Variants in CD7 observed in about 807,000 individuals in gnomAD.
CD7 encodes T-cell antigen CD7.
Under a neutral mutation model 17.6 loss-of-function variants are expected in CD7, and 19 were observed. The ratio of observed to expected loss-of-function variants is 1.08; its 90% confidence interval spans 0.75 to 1.58. The LOEUF (loss-of-function observed/expected upper bound fraction) is 1.58, where lower values mean the gene tolerates loss of function less well. CD7 is among the 40% of genes most tolerant of loss of function. The probability of loss-of-function intolerance (pLI) is 0.00; values close to 1 mark genes in which losing one functional copy is unlikely to be tolerated. For synonymous variants in CD7, 160 were observed against 159.8 expected (o/e 1.00, Z -0.01); for missense variants, 291 against 327.1 (o/e 0.89, Z 0.85).
rs781041449 is a variant in CD7 at position 82,315,403 on chromosome 17, T to C, written c.641A>G (p.Lys214Arg). 6.2e-7 allele frequency: 1 copy of C among 1,613,360 alleles called. No homozygotes were observed. The highest frequency in any genetic ancestry group is 8.5e-7 in the Non-Finnish European group (1 of 1,179,740). Residue 214 changes from lysine to arginine, a missense_variant, in exon 4 of 4, where the codon AAG becomes AGG. Lys to Arg is a conservative substitution (Grantham distance 26). Transcript: ENST00000312648. Reference protein sequence around the residue: ...QIKKLCSWRDKNSAACVVYED... With the variant: ...QIKKLCSWRDRNSAACVVYED... ...GTACACCACACATGCCGCCGAATTC[T>C]TATCCCGCCACGAGCACAGTTTCTT...
At chr17:82,316,491 A>G in intron 2 of CD7, 82 bp from the exon 3 acceptor site, 1 of 1,358,254 alleles carries the variant, frequency 7.4e-7, no homozygotes, top group African/African-American at 1.5e-5. Flanking sequence ...GGGGCAGGGA[A>G]AGGCTGTGGA....
At chr17:82,316,554 TG>T in intron 2 of CD7, 112 bp downstream of exon 2, 1 of 1,325,742 alleles carries the variant, frequency 7.5e-7, no homozygotes, top group Non-Finnish European at 1.1e-6. Flanking sequence ...GGCTGGGAGC[TG>T]GAACAGTTCA....
At chr17:82,315,524 C>T in intron 3 of CD7, 93 bp from the exon 4 acceptor site, 2 of 959,782 alleles carry the variant, frequency 2.1e-6, no homozygotes, top group East Asian at 2.6e-5. Flanking sequence ...TAACACGAGA[C>T]CCCCACGGGG....
intron 3 of CD7, 183 bp downstream of exon 3, chr17:82,316,012 G>T: frequency 1.4e-6 from 1 of 706,810 alleles, no homozygotes; most frequent in Non-Finnish European, 2.5e-6. Flanking sequence ...CTCCCCCTCA[G>T]GTCGCTTTGG....
Position 82,317,433 on chromosome 17 carries a change from A to G in CD7, c.63T>C (p.Pro21=). 6.4e-7 allele frequency: 1 copy of G among 1,561,618 alleles called. No individual in the cohort carries two copies. The highest frequency in any genetic ancestry group is 8.7e-7 in the Non-Finnish European group (1 of 1,154,700). The change falls in exon 1 of 4, where the codon CCT becomes CCC. Residue 21 remains proline, a synonymous_variant. Transcript: ENST00000312648. ...TCTTACCTTGGGCAGCCAGGGCCCCAGGCAGGCCGCGAGCCAGCGCCAGAA... is the reference window on the plus strand; with the variant it reads ...TCTTACCTTGGGCAGCCAGGGCCCCGGGCAGGCCGCGAGCCAGCGCCAGAA... ...PLLLALARGL[P]GALAAQEVQQ...
In CD7 at chr17:82,316,284, C is replaced by T. The variant is rs200504177; in HGVS notation, c.523G>A (p.Ala175Thr). 1 of 1,461,958 alleles carries T rather than the reference C, an allele frequency of 6.8e-7. No individual in the cohort carries two copies. Among genetic ancestry groups the T allele is most frequent in the Non-Finnish European group, 9.4e-7 (1 of 1,062,842 alleles). The allele number at this position is 1,461,958 out of a possible 1,614,324, so 90.6% of individuals were successfully genotyped here. Reference protein sequence around the residue: ...QTASALPDPPAASALPAALAV... With the variant: ...QTASALPDPPTASALPAALAV... ...AGGGCCGCAGGGAGGGCAGAGGCTG[C>T]TGGCGGGTCAGGGAGGGCAGAGGCT... is the stretch of plus-strand genomic sequence containing the variant. The change falls in exon 3 of 4, where the codon GCA (alanine) becomes ACA (threonine). Residue 175 changes from alanine to threonine, a missense_variant. Transcript: ENST00000312648.
chr17:82,315,847 CTGCACACG>C (rs1333859060), intron 3 of CD7: 6 of 598,636 alleles, frequency 1.0e-5, no homozygotes, highest in Non-Finnish European at 1.8e-5. Context: ...AGGCTCACAC[CTGCACACG>C]TGCACACGCG....
Position 82,317,426 on chromosome 17 carries a change from G to C in CD7, c.70C>G (p.Leu24Val). 6.4e-7 allele frequency: 1 copy of C among 1,559,096 alleles called. No homozygotes were observed. The highest frequency in any genetic ancestry group is 1.2e-5 in the South Asian group (1 of 84,914). ...LALARGLPGALAAQEVQQSPH... is the reference protein window; with the variant it reads ...LALARGLPGAVAAQEVQQSPH... ...GGGAAGCTCTTACCTTGGGCAGCCA[G>C]GGCCCCAGGCAGGCCGCGAGCCAGC... Residue 24 changes from leucine to valine, a missense_variant, in exon 1 of 4, where the codon CTG becomes GTG. Leu to Val is a conservative substitution (Grantham distance 32, BLOSUM62 1). Transcript: ENST00000312648.
At chr17:82,316,643 G>A (rs756142237) in intron 2 of CD7, 24 bp downstream of exon 2, 6 of 1,602,386 alleles carry the variant, frequency 3.7e-6, no homozygotes, top group Admixed American at 1.7e-5. Flanking sequence ...TGGGAGGGGG[G>A]TCTGGGATGG....
chr17:82,315,392 C>A lies in CD7; in HGVS notation c.652G>T (p.Ala218Ser). 1 of 1,613,528 alleles carries A rather than the reference C, an allele frequency of 6.2e-7. No individual in the cohort carries two copies. The highest frequency in any genetic ancestry group is 8.5e-7 in the Non-Finnish European group (1 of 1,179,892). Residue 218 changes from alanine to serine, a missense_variant, in exon 4 of 4, where the codon GCA becomes TCA. Ala to Ser is a moderately conservative substitution (Grantham distance 99, BLOSUM62 1). Coordinates refer to ENST00000312648, the MANE Select transcript of CD7 (RefSeq NM_006137.7). ...LCSWRDKNSAACVVYEDMSHS... is the reference protein window; with the variant it reads ...LCSWRDKNSASCVVYEDMSHS... ...GACATGTCCTCGTACACCACACATG[C>A]CGCCGAATTCTTATCCCGCCACGAG...
rs1394486463 is a variant in CD7, at chr17:82,315,419, A to G, written c.625T>C (p.Cys209Arg). 17 of 1,613,626 alleles carry G rather than the reference A, an allele frequency of 1.1e-5. No homozygotes were observed. Among genetic ancestry groups the G allele is most frequent in the Non-Finnish European group, 1.4e-5 (17 of 1,179,754 alleles). The part of the protein sequence containing the change: ...VLARTQIKKL[C>R]SWRDKNSAAC... The stretch of plus-strand genomic sequence containing the variant: ...GCCGAATTCTTATCCCGCCACGAGC[A>G]CAGTTTCTTTATCTGAAAGACAGAA... Residue 209 changes from cysteine (C) to arginine (R), a missense_variant, in exon 4 of 4, where the codon TGC (cysteine) becomes CGC (arginine). Physicochemically the swap from Cys to Arg is radical, Grantham distance 180. Coordinates refer to ENST00000312648, the MANE Select transcript of CD7 (RefSeq NM_006137.7).
intron 3 of CD7, chr17:82,315,862 C>T (rs887410558): frequency 2.0e-5 from 12 of 598,916 alleles, no homozygotes; most frequent in Admixed American, 3.0e-5. Context: ...CACGTGCACA[C>T]GCGGGCCCAG....
At chr17:82,316,503 G>T in intron 2 of CD7, 94 bp from the exon 3 acceptor site, 2 of 1,300,394 alleles carry the variant, frequency 1.5e-6, no homozygotes, top group Non-Finnish European at 2.1e-6. Context: ...GGCTGTGGAG[G>T]GGAGGAGGGG....
chr17:82,317,447 C>T lies in CD7; in HGVS notation c.49G>A (p.Ala17Thr). 6.4e-7 allele frequency: 1 copy of T among 1,572,816 alleles called. No homozygotes were observed. The highest frequency in any genetic ancestry group is 1.2e-5 in the South Asian group (1 of 85,958). ...LLLLPLLLAL[A>T]RGLPGALAAQ... ...GCCAGGGCCCCAGGCAGGCCGCGAG[C>T]CAGCGCCAGAAGCAGGGGCAGCAGC... The change falls in exon 1 of 4, where the codon GCT becomes ACT. Residue 17 changes from alanine to threonine, a missense_variant. By Grantham distance (58) the Ala-to-Thr change is moderately conservative (BLOSUM62 0). Coordinates refer to ENST00000312648, the MANE Select transcript of CD7 (RefSeq NM_006137.7).
chr17:82,316,489 G>C (rs1334122132), intron 2 of CD7, 80 bp from the exon 3 acceptor site: 4 of 1,373,644 alleles, frequency 2.9e-6, no homozygotes, highest in East Asian at 2.5e-5. Context: ...TCGGGGCAGG[G>C]AAAGGCTGTG....
chr17:82,317,369 G>C, intron 1 of CD7, 45 bp downstream of exon 1: 1 of 1,505,290 alleles, frequency 6.6e-7, no homozygotes, highest in Non-Finnish European at 9.0e-7. Flanking sequence ...ATGGGGCAGG[G>C]AGAGCTCTGG....
At position 82,315,434 on chromosome 17, in the gene CD7, G is replaced by A. The variant is rs1314616886; in HGVS notation, c.613-3C>T. 1.9e-6 allele frequency: 3 copies of A among 1,611,990 alleles called. No individual in the cohort carries two copies. The highest frequency in any genetic ancestry group is 2.5e-6 in the Non-Finnish European group (3 of 1,178,250). ...CGCCACGAGCACAGTTTCTTTATCTGAAAGACAGAACCGCCGTCTCCAACC... is the reference window on the plus strand; with the variant it reads ...CGCCACGAGCACAGTTTCTTTATCTAAAAGACAGAACCGCCGTCTCCAACC... On this transcript the variant is annotated splice_region_variant and splice_polypyrimidine_tract_variant and intron_variant, in intron 3 of 3. Coordinates refer to ENST00000312648, the MANE Select transcript of CD7 (RefSeq NM_006137.7).
chr17:82,315,359 G>T lies in CD7; in HGVS notation c.685C>A (p.Arg229Ser). The T allele has an allele frequency of 6.2e-7, 1 of 1,613,360 alleles. No homozygotes were observed. The highest frequency in any genetic ancestry group is 8.5e-7 in the Non-Finnish European group (1 of 1,179,798). ...CVVYEDMSHS[R>S]CNTLSSPNQY... is the part of the protein sequence containing the mutation. ...TTGGGGGAGGACAGCGTGTTGCAGCGGCTGTGCGACATGTCCTCGTACACC... is the reference window on the plus strand; with the variant it reads ...TTGGGGGAGGACAGCGTGTTGCAGCTGCTGTGCGACATGTCCTCGTACACC... The change falls in exon 4 of 4, where the codon CGC becomes AGC. Residue 229 changes from arginine (R) to serine (S), a missense_variant. Physicochemically the swap from Arg to Ser is moderately radical, Grantham distance 110. Coordinates refer to ENST00000312648, the MANE Select transcript of CD7 (RefSeq NM_006137.7).
chr17:82,316,086 GAGGCGGCGGGTACC>G, intron 3 of CD7, 95 bp downstream of exon 3: 1 of 1,154,762 alleles, frequency 8.7e-7, no homozygotes, highest in Non-Finnish European at 1.3e-6. Context: ...GCCTGCAGAG[GAGGCGGCGGGTACC>G]AGGGTTTTCC....
Sources: allele counts gnomAD v4.1 joint callset, GRCh38; gene constraint gnomAD v4.1.1; transcripts MANE v1.5; gene names NCBI Gene and HGNC (gene_info 2026-07-23, HGNC 2026-07-21).